HARS1: variants seen among roughly 807,000 people sequenced by gnomAD.
HARS1 encodes the protein histidine--tRNA ligase, cytoplasmic.
Under a neutral mutation model 63.6 loss-of-function variants are expected in HARS1, and 45 were observed. That is an observed-to-expected ratio of 0.71 (90% confidence interval 0.56 to 0.91). The LOEUF (loss-of-function observed/expected upper bound fraction) is 0.91. HARS1 is among the 40% of genes least tolerant of loss of function. HARS1 has a pLI of 0.00. For synonymous variants in HARS1, 205 were observed against 247.1 expected (o/e 0.83, Z 1.60); for missense variants, 508 against 643.2 (o/e 0.79, Z 2.27).
Position 140,674,035 on chromosome 5 carries a change from C to CTAAG in HARS1, c.*218_*221dup. ...TTGTAGCCCAGGAGCACAGACTGGA[C>CTAAG]TAAGCCTCCTGGGCCTTGTATGAAA... On this transcript the variant is annotated 3_prime_UTR_variant, in exon 13 of 13. Transcript: ENST00000504156. 1.6e-6 allele frequency: 1 copy of CTAAG among 624,038 alleles called. No homozygotes were observed. The highest frequency in any genetic ancestry group is 1.8e-5 in the African/African-American group (1 of 54,854). The allele number at this position is 624,038 out of a possible 1,614,324, so 38.7% of individuals were successfully genotyped here.
intron 3 of HARS1, chr5:140,682,844 C>G: frequency 2.6e-6 from 1 of 389,468 alleles, no homozygotes; most frequent in Non-Finnish European, 4.6e-6. Flanking sequence ...CCACGCAATA[C>G]AATGTAGAGA....
At chr5:140,691,079 G>T in intron 1 of HARS1, 135 bp from the exon 2 acceptor site, 1 of 895,068 alleles carries the variant, frequency 1.1e-6, no homozygotes, top group Non-Finnish European at 1.8e-6. Context: ...CACCCCGGAT[G>T]TCTCCCCACG....
At chr5:140,680,035 G>T in intron 3 of HARS1, 152 bp from the exon 4 acceptor site, 1 of 441,926 alleles carries the variant, frequency 2.3e-6, no homozygotes, top group Non-Finnish European at 4.0e-6. Context: ...ATCATTAAAA[G>T]GAAACACCAA....
chr5:140,675,072 T>A lies in HARS1; in HGVS notation c.1256A>T (p.Lys419Met), dbSNP rs777282804. 28 of 1,613,664 alleles carry A rather than the reference T, an allele frequency of 1.7e-5. No individual in the cohort carries two copies. In the East Asian group the frequency reaches 4.2e-4, roughly 24 times the overall value. ...TQVLVASAQK[K>M]LLEERLKLVS... ...AAGCTTTAGTCTTTCCTCTAGCAGC[T>A]TCTTCTGTGCAGATGCCACAAGCAC... The change falls in exon 11 of 13, where the codon AAG becomes ATG. Residue 419 changes from lysine (K) to methionine (M), a missense_variant. Transcript: ENST00000504156.
At chr5:140,678,426 C>T (rs1317046449) in intron 5 of HARS1, 2 of 190,988 alleles carry the variant, frequency 1.0e-5, no homozygotes, top group Non-Finnish European at 2.2e-5. Context: ...AGTTCTAGTC[C>T]TGACTTTGCC....
At chr5:140,680,896 CT>C (rs1209005938) in intron 3 of HARS1, among the ~76,000 whole-genome samples, 153 of 138,796 alleles carry the variant, frequency 1.1e-3, no homozygotes, top group Middle Eastern at 3.6e-3. Flanking sequence ...GTATATAGCT[CT>C]TTTTTTTTTT....
At chr5:140,683,317 G>C (rs1362933660) in intron 2 of HARS1, 98 bp from the exon 3 acceptor site, 5 of 1,268,818 alleles carry the variant, frequency 3.9e-6, no homozygotes, top group African/African-American at 3.0e-5. Context: ...TAATGAAAAA[G>C]CAAATCCTGC....
At position 140,679,206 on chromosome 5, in the gene HARS1, T is replaced by G; in HGVS notation, c.397-79A>C. On this transcript the variant is annotated intron_variant, in intron 4 of 12. Coordinates refer to ENST00000504156, the MANE Select transcript of HARS1 (RefSeq NM_002109.6). The surrounding 1 kb of genome is among the most constrained non-coding windows in gnomAD (Gnocchi z 4.3). ...TTATCATCACCAACAGAAGCTGGGG[T>G]CTAACCCCTCCCTATGTGGGTAAAA... is the stretch of plus-strand genomic sequence containing the variant. The G allele has an allele frequency of 7.0e-7, 1 of 1,433,700 alleles. No individual in the cohort carries two copies. The highest frequency in any genetic ancestry group is 9.7e-7 in the Non-Finnish European group (1 of 1,027,494). 88.8% of individuals were successfully genotyped at this position (1,433,700 alleles called of 1,614,324 possible).
intron 1 of HARS1, 76 bp downstream of exon 1, chr5:140,691,139 C>A: frequency 8.5e-7 from 1 of 1,172,866 alleles, no homozygotes; most frequent in South Asian, 1.3e-5. Flanking sequence ...ACATCTCTAC[C>A]CTATGTCCCG....
chr5:140,678,363 T>G, intron 5 of HARS1: 1 of 303,106 alleles, frequency 3.3e-6, no homozygotes, highest in East Asian at 7.9e-5. Flanking sequence ...AATTTCCTTA[T>G]TCTCTGCTGT....
At chr5:140,691,063 G>C (rs1054497005) in intron 1 of HARS1, 119 bp from the exon 2 acceptor site, 2 of 920,682 alleles carry the variant, frequency 2.2e-6, no homozygotes, top group African/African-American at 3.2e-5. Context: ...TGTTTCTCTC[G>C]GGACCCACCC....
At chr5:140,678,123 T>A in intron 5 of HARS1, 108 bp from the exon 6 acceptor site, 1 of 670,010 alleles carries the variant, frequency 1.5e-6, no homozygotes, top group Non-Finnish European at 2.7e-6. Context: ...AGCATAGAAT[T>A]TCTCTTTCAT....
In HARS1 at chr5:140,676,889, A is replaced by G; in HGVS notation, c.959T>C (p.Phe320Ser). The change falls in exon 10 of 13, where the codon TTT becomes TCT. Residue 320 changes from phenylalanine to serine, a missense_variant. By Grantham distance (155) the Phe-to-Ser change is radical (BLOSUM62 -2). Coordinates refer to ENST00000504156, the MANE Select transcript of HARS1 (RefSeq NM_002109.6). The surrounding 1 kb of genome is among the most constrained non-coding windows in gnomAD (Gnocchi z 4.1). ...CAGCCCTCGAGCAAGGCTCAGGTCAAAGGAGATCTGTGGAGATAAGAAAAT... is the reference window on the plus strand; with the variant it reads ...CAGCCCTCGAGCAAGGCTCAGGTCAGAGGAGATCTGTGGAGATAAGAAAAT... The part of the protein sequence containing the change: ...TLFGIDDKIS[F>S]DLSLARGLDY... 1 of 1,613,538 alleles carries G rather than the reference A, an allele frequency of 6.2e-7. No individual in the cohort carries two copies. Among genetic ancestry groups the G allele is most frequent in the Non-Finnish European group, 8.5e-7 (1 of 1,179,486 alleles).
rs1209005938 is a variant in HARS1 at position 140,680,896 on chromosome 5, CTT to C, written c.301-1015_301-1014del. Among the ~76,000 whole-genome samples, 343 of 138,852 alleles carry C rather than the reference CTT, an allele frequency of 2.5e-3. 1 individual carries two copies. Among genetic ancestry groups the C allele is most frequent in the East Asian group, 0.018 (83 of 4,560 alleles). 91.1% of individuals were successfully genotyped at this position (138,852 alleles called of 152,430 possible). On this transcript the variant is annotated intron_variant, in intron 3 of 12. Transcript: ENST00000504156. ...ATATCTAATATTTAGGTATATAGCTCTTTTTTTTTTTAAAAAAAAGTATTTTT... is the reference window on the plus strand; with the variant it reads ...ATATCTAATATTTAGGTATATAGCTCTTTTTTTTTAAAAAAAAGTATTTTT...
intron 2 of HARS1, among the ~76,000 whole-genome samples, chr5:140,685,954 G>C (rs1758998832): frequency 6.7e-6 from 1 of 148,240 alleles, no homozygotes; most frequent in Non-Finnish European, 1.5e-5. Flanking sequence ...TTTTGAGATG[G>C]AGTCTCGCTC....
chr5:140,674,988 G>C, intron 11 of HARS1, 29 bp downstream of exon 11: 1 of 1,522,792 alleles, frequency 6.6e-7, no homozygotes, highest in Non-Finnish European at 9.1e-7. Flanking sequence ...ACCTAAGTTT[G>C]CTGCCACCCT....
chr5:140,691,105 C>G, intron 1 of HARS1, 110 bp downstream of exon 1: 1 of 961,548 alleles, frequency 1.0e-6, no homozygotes, highest in Non-Finnish European at 1.6e-6. Flanking sequence ...CACTCTCCTC[C>G]CTACAAGACT....
intron 2 of HARS1, among the ~76,000 whole-genome samples, chr5:140,686,887 C>T (rs539949322): frequency 6.6e-6 from 1 of 152,274 alleles, no homozygotes; most frequent in Admixed American, 6.5e-5. Context: ...GCCACCATGC[C>T]CTGACTAAGT....
Position 140,691,348 on chromosome 5 carries a change from G to T in HARS1, c.-44C>A. The T allele has an allele frequency of 6.8e-7, 1 of 1,465,924 alleles. No individual in the cohort carries two copies. Among genetic ancestry groups the T allele is most frequent in the Non-Finnish European group, 9.3e-7 (1 of 1,069,554 alleles). The allele number at this position is 1,465,924 out of a possible 1,614,324, so 90.8% of individuals were successfully genotyped here. ...CCGCCTGCTGTCTCGACCTGCGGTG[G>T]TTGCCCCAGCCTCAGCAAGGATGAC... On this transcript the variant is annotated 5_prime_UTR_variant, in exon 1 of 13. Transcript: ENST00000504156.
Sources: allele counts gnomAD v4.1 joint callset (sites outside exome capture counted in the v4.1 genomes callset), GRCh38; gene constraint gnomAD v4.1.1; non-coding constraint Gnocchi (gnomAD v3.1); transcripts MANE v1.5; gene names NCBI Gene and HGNC (gene_info 2026-07-23, HGNC 2026-07-21).